DOK6: variants seen among roughly 807,000 people sequenced by gnomAD.
DOK6 encodes the protein docking protein 6, also known as downstream of tyrosine kinase 6.
Under a neutral mutation model 44.0 loss-of-function variants are expected in DOK6, and 22 were observed. The ratio of observed to expected loss-of-function variants is 0.50; its 90% CI spans 0.36 to 0.71. DOK6 has a LOEUF of 0.71. Among genes scored for constraint, DOK6 ranks in the 30% least tolerant of loss-of-function variants. The pLI, the probability that DOK6 is intolerant of heterozygous loss-of-function variation, is 0.00. For missense variants in DOK6, 340 were observed against 416.4 expected, an observed-to-expected ratio of 0.82 and a Z score of 1.60; for synonymous variants, 166 against 145.5, an observed-to-expected ratio of 1.14 and a Z score of -1.01.
chr18:69,839,019 T>G (rs1256789112), intron 7 of DOK6, among the ~76,000 whole-genome samples: 1 of 147,762 alleles, frequency 6.8e-6, no homozygotes, highest in Non-Finnish European at 1.5e-5. Context: ...GATGTTCTCC[T>G]AACTCCTCCC....
At chr18:69,823,772 C>T (rs1443113789) in intron 7 of DOK6, among the ~76,000 whole-genome samples, 2 of 151,972 alleles carry the variant, frequency 1.3e-5, no homozygotes, top group Non-Finnish European at 2.9e-5. Flanking sequence ...CCCTGAGACC[C>T]GTTTGAGTTG....
chr18:69,689,071 A>T (rs185306424), intron 4 of DOK6, among the ~76,000 whole-genome samples: 72 of 152,338 alleles, frequency 4.7e-4, no homozygotes, highest in African/African-American at 1.5e-3. Context: ...ATTAAAAATA[A>T]AAAGGGAAGT....
intron 6 of DOK6, among the ~76,000 whole-genome samples, chr18:69,742,429 GAAAA>G (rs945947417): frequency 7.0e-6 from 1 of 142,118 alleles, no homozygotes; most frequent in Non-Finnish European, 1.5e-5. Context: ...AAAAAAAAAA[GAAAA>G]AGAAAAAGAA....
At chr18:69,442,886 A>G (rs1289482406) in intron 1 of DOK6, among the ~76,000 whole-genome samples, 1 of 152,148 alleles carries the variant, frequency 6.6e-6, no homozygotes, top group Non-Finnish European at 1.5e-5. Flanking sequence ...GGTGCATAAG[A>G]TTAGGGATCA....
At chr18:69,501,422 A>C (rs1363275807) in intron 1 of DOK6, among the ~76,000 whole-genome samples, 1 of 152,168 alleles carries the variant, frequency 6.6e-6, no homozygotes, top group Admixed American at 6.5e-5. Context: ...TTTATTTTCC[A>C]TGGAAGTGTG....
chr18:69,409,135 G>C (rs761057570), intron 1 of DOK6, among the ~76,000 whole-genome samples: 1 of 152,058 alleles, frequency 6.6e-6, no homozygotes, highest in Non-Finnish European at 1.5e-5. Context: ...TTTATAAGGG[G>C]CTTCCCCCTT....
intron 3 of DOK6, among the ~76,000 whole-genome samples, chr18:69,606,443 A>T (rs1038246701): frequency 6.6e-6 from 1 of 152,146 alleles, no homozygotes; most frequent in African/African-American, 2.4e-5. Flanking sequence ...CACAGCTAAC[A>T]TCATAATCCA....
intron 5 of DOK6, among the ~76,000 whole-genome samples, chr18:69,714,526 A>G (rs1986838779): frequency 2.0e-5 from 3 of 152,216 alleles, no homozygotes; most frequent in South Asian, 4.1e-4. Context: ...ATATGCTCAA[A>G]AATAGTTTAT....
At chr18:69,579,123 T>C (rs564003233) in intron 2 of DOK6, among the ~76,000 whole-genome samples, 86 of 152,322 alleles carry the variant, frequency 5.6e-4, no homozygotes, top group African/African-American at 2.0e-3. Context: ...CTTGTTTTGA[T>C]CATAACTGTT....
At chr18:69,747,980 C>T (rs542986424) in intron 6 of DOK6, among the ~76,000 whole-genome samples, 22 of 151,944 alleles carry the variant, frequency 1.4e-4, no homozygotes, top group African/African-American at 5.1e-4. Flanking sequence ...ACCAAGAAGC[C>T]CAGATTAAAG....
chr18:69,448,676 A>G (rs1455759307), intron 1 of DOK6, among the ~76,000 whole-genome samples: 1 of 152,118 alleles, frequency 6.6e-6, no homozygotes, highest in African/African-American at 2.4e-5. Context: ...GCCCAGCCCA[A>G]ATTGATTCTT....
chr18:69,555,797 G>T (rs893011544), intron 1 of DOK6, among the ~76,000 whole-genome samples: 1 of 152,206 alleles, frequency 6.6e-6, no homozygotes, highest in Non-Finnish European at 1.5e-5. Flanking sequence ...ACTGCATTCT[G>T]CAGAGGTCTA....
rs1038186341 is a variant in DOK6, at chr18:69,563,571, T to A, written c.67-916T>A. ...CAAGGACAAAAAATCAAACACCGCA[T>A]GTTCTCACTCATAGGTGGGAATTGA... On this transcript the variant is annotated intron_variant, in intron 1 of 7. Coordinates refer to ENST00000382713, the MANE Select transcript of DOK6 (RefSeq NM_152721.6). Among the ~76,000 whole-genome samples the A allele has an allele frequency of 1.4e-4, 20 of 144,424 alleles. No homozygotes were observed. In the Admixed American group the frequency reaches 1.5e-3, roughly 11 times the overall value. 94.7% of individuals were successfully genotyped at this position (144,424 alleles called of 152,430 possible).
chr18:69,436,073 A>G (rs73466839), intron 1 of DOK6, among the ~76,000 whole-genome samples: 1,674 of 152,026 alleles, frequency 0.011, 39 homozygotes, highest in African/African-American at 0.039. Flanking sequence ...TTAGTTCTCT[A>G]TTTAAAACCT....
intron 1 of DOK6, among the ~76,000 whole-genome samples, chr18:69,426,799 T>A (rs1978650677): frequency 6.6e-6 from 1 of 152,194 alleles, no homozygotes; most frequent in Non-Finnish European, 1.5e-5. Flanking sequence ...TTACCCTACC[T>A]TTTATTCAGT....
rs1568145202 is a variant in DOK6, at chr18:69,848,054, C to CACACAT, written c.*6676_*6677insTACACA. 3 of 130,688 alleles carry CACACAT rather than the reference C, an allele frequency of 2.3e-5. No homozygotes were observed. The highest frequency in any genetic ancestry group is 8.0e-5 in the African/African-American group (3 of 37,282). The allele number at this position is 130,688 out of a possible 1,614,324, so 8.1% of individuals were successfully genotyped here. ...ACACACACACACACACACACACACA[C>CACACAT]ACACACACATTTTTGGCTTTTGACC... On this transcript the variant is annotated 3_prime_UTR_variant, in exon 8 of 8. Coordinates refer to ENST00000382713, the MANE Select transcript of DOK6 (RefSeq NM_152721.6).
chr18:69,510,085 T>C (rs140373396), intron 1 of DOK6, among the ~76,000 whole-genome samples: 54 of 152,342 alleles, frequency 3.5e-4, no homozygotes, highest in African/African-American at 1.2e-3. Context: ...AGGAGACTAA[T>C]GCTCTAATTT....
At position 69,487,177 on chromosome 18, in the gene DOK6, AT is replaced by A. The variant is rs1980601536; in HGVS notation, c.67-77309del. Among the ~76,000 whole-genome samples the A allele has an allele frequency of 2.1e-4, 29 of 140,468 alleles. 1 individual carries two copies. Among genetic ancestry groups the A allele is most frequent in the Admixed American group, 5.5e-4 (8 of 14,532 alleles). The allele number at this position is 140,468 out of a possible 152,430, so 92.2% of individuals were successfully genotyped here. ...CAATTAGCCTTGGCACTGATAGGAT[AT>A]GTGTGTGTGTGTGTGTGTGTGTGTG... On this transcript the variant is annotated intron_variant, in intron 1 of 7. Coordinates refer to ENST00000382713, the MANE Select transcript of DOK6 (RefSeq NM_152721.6).
chr18:69,658,041 T>C (rs1400657369), intron 3 of DOK6, among the ~76,000 whole-genome samples: 1 of 152,136 alleles, frequency 6.6e-6, no homozygotes, highest in Non-Finnish European at 1.5e-5. Context: ...AGCCTCCATC[T>C]TCTGGGCTCA....
Sources: allele counts gnomAD v4.1 joint callset (sites outside exome capture counted in the v4.1 genomes callset), GRCh38; gene constraint gnomAD v4.1.1; transcripts MANE v1.5; gene names NCBI Gene and HGNC (gene_info 2026-07-23, HGNC 2026-07-21).